CHST11: variants seen among roughly 807,000 people sequenced by gnomAD.
CHST11 encodes the protein carbohydrate sulfotransferase 11, also known as C4S-1.
CHST11 carries 9 observed loss-of-function variants against 30.4 expected under a neutral mutation model. The ratio of observed to expected loss-of-function variants is 0.30; its 90% CI spans 0.18 to 0.52. The LOEUF (loss-of-function observed/expected upper bound fraction) is 0.52. CHST11 is among the 20% of genes least tolerant of loss of function. The pLI is 0.97. For synonymous variants in CHST11, 152 were observed against 187.8 expected (o/e 0.81, Z 1.56); for missense variants, 348 against 460.6 (o/e 0.76, Z 2.24).
chr12:104,574,411 C>G (rs2038661438), intron 1 of CHST11, among the ~76,000 whole-genome samples: 1 of 152,110 alleles, frequency 6.6e-6, no homozygotes, highest in Admixed American at 6.5e-5. Flanking sequence ...CACATGCACA[C>G]ATGTTAATTG....
intron 2 of CHST11, among the ~76,000 whole-genome samples, chr12:104,613,955 T>C (rs867981405): frequency 1.3e-5 from 2 of 152,142 alleles, no homozygotes; most frequent in Non-Finnish European, 2.9e-5. Flanking sequence ...ATGAATAAAT[T>C]CTGGAGATCT....
intron 2 of CHST11, among the ~76,000 whole-genome samples, chr12:104,610,700 C>T (rs906819591): frequency 2.6e-5 from 4 of 152,138 alleles, no homozygotes; most frequent in East Asian, 3.9e-4. Context: ...TGAAACTGAC[C>T]GTAGGAGAGA....
chr12:104,693,481 C>A (rs1305547784), intron 2 of CHST11, among the ~76,000 whole-genome samples: 1 of 152,194 alleles, frequency 6.6e-6, no homozygotes, highest in Non-Finnish European at 1.5e-5. Flanking sequence ...ATGAGGCTGT[C>A]TCAGGCACAC....
chr12:104,736,056 G>A (rs941109145), intron 2 of CHST11, among the ~76,000 whole-genome samples: 11 of 152,286 alleles, frequency 7.2e-5, no homozygotes, highest in African/African-American at 2.6e-4. Flanking sequence ...GCCATTCCCT[G>A]AGATGGGACA....
intron 2 of CHST11, among the ~76,000 whole-genome samples, chr12:104,705,227 A>G (rs2040022231): frequency 6.6e-6 from 1 of 152,026 alleles, no homozygotes; most frequent in African/African-American, 2.4e-5. Context: ...TGCTAAGTGG[A>G]AGCGTCATGG....
At chr12:104,601,534 G>A (rs147436287) in intron 1 of CHST11, among the ~76,000 whole-genome samples, 21 of 152,334 alleles carry the variant, frequency 1.4e-4, no homozygotes, top group African/African-American at 4.8e-4. Context: ...AGAAGTCTGC[G>A]GAATCTTAAA....
At chr12:104,666,329 A>G (rs1284704319) in intron 2 of CHST11, among the ~76,000 whole-genome samples, 1 of 152,246 alleles carries the variant, frequency 6.6e-6, no homozygotes, top group African/African-American at 2.4e-5. Context: ...GATGCAAGCG[A>G]GAATGGAGAA....
At chr12:104,693,417 A>C (rs1293995272) in intron 2 of CHST11, among the ~76,000 whole-genome samples, 5 of 152,228 alleles carry the variant, frequency 3.3e-5, no homozygotes, top group Non-Finnish European at 5.9e-5. Flanking sequence ...AAATTGGGAC[A>C]CTTTGAGAGG....
rs575668004 is a variant in CHST11, at chr12:104,500,031, T to C, written c.118+42502T>C. ...GTGACCCTTAAGCTCCTTCTATTTT[T>C]CCCTGTAGCTGTCTTTTGAGATGCA... On this transcript the variant is annotated intron_variant, in intron 1 of 2. Coordinates refer to ENST00000303694, the MANE Select transcript of CHST11 (RefSeq NM_018413.6). 5.9e-4 allele frequency among the ~76,000 whole-genome samples: 90 copies of C among 152,360 alleles called. 1 individual carries two copies. Among genetic ancestry groups the C allele is most frequent in the African/African-American group, 2.1e-3 (88 of 41,582 alleles).
At chr12:104,538,351 C>T (rs1319285609) in intron 1 of CHST11, among the ~76,000 whole-genome samples, 1 of 152,190 alleles carries the variant, frequency 6.6e-6, no homozygotes, top group African/African-American at 2.4e-5. Flanking sequence ...AGGATCTGTT[C>T]TCATCTCATC....
intron 2 of CHST11, among the ~76,000 whole-genome samples, chr12:104,697,269 G>C (rs897299616): frequency 6.6e-6 from 1 of 152,206 alleles, no homozygotes; most frequent in Non-Finnish European, 1.5e-5. Context: ...CAGATAACTG[G>C]TAAAACATTA....
intron 2 of CHST11, among the ~76,000 whole-genome samples, chr12:104,692,117 G>A (rs904035866): frequency 2.0e-5 from 3 of 152,180 alleles, no homozygotes; most frequent in Admixed American, 6.5e-5. Flanking sequence ...TTCCTGAGTG[G>A]AGGACCTGGT....
chr12:104,645,907 C>T (rs571668204), intron 2 of CHST11, among the ~76,000 whole-genome samples: 2 of 152,342 alleles, frequency 1.3e-5, no homozygotes, highest in Admixed American at 6.5e-5. Context: ...CCCTCACCAG[C>T]TCTGCCTGTC....
intron 1 of CHST11, among the ~76,000 whole-genome samples, chr12:104,507,775 T>C (rs545798233): frequency 1.3e-5 from 2 of 152,296 alleles, no homozygotes; most frequent in South Asian, 4.1e-4. Context: ...CTCATGGATC[T>C]GGCAAAGGTA....
At chr12:104,646,962 C>A (rs1031467927) in intron 2 of CHST11, among the ~76,000 whole-genome samples, 20 of 152,194 alleles carry the variant, frequency 1.3e-4, no homozygotes, top group African/African-American at 4.6e-4. Flanking sequence ...GCTGTCAGAC[C>A]AGCCACTCAT....
chr12:104,653,492 A>C (rs1344280454), intron 2 of CHST11, among the ~76,000 whole-genome samples: 4 of 152,182 alleles, frequency 2.6e-5, no homozygotes, highest in Admixed American at 2.6e-4. Context: ...TTAGTGCTAA[A>C]ATGTGTACTC....
chr12:104,602,230 C>G (rs2038963136), intron 2 of CHST11: 1 of 542,802 alleles, frequency 1.8e-6, no homozygotes, highest in Non-Finnish European at 3.3e-6. Flanking sequence ...CAGACCTGCC[C>G]AGGGTTTGAA....
chr12:104,464,823 A>G (rs988794315), intron 1 of CHST11, among the ~76,000 whole-genome samples: 1 of 152,236 alleles, frequency 6.6e-6, no homozygotes, highest in Admixed American at 6.5e-5. Context: ...CCAGACTTAA[A>G]TCAGCACTCA....
intron 1 of CHST11, among the ~76,000 whole-genome samples, chr12:104,480,019 T>G (rs1457459844): frequency 6.6e-6 from 1 of 152,204 alleles, no homozygotes; most frequent in African/African-American, 2.4e-5. Flanking sequence ...TGTGGTCATG[T>G]GCTAAACTTG....
Sources: gnomAD v4.1 joint callset for allele counts (sites outside exome capture counted in the v4.1 genomes callset) on GRCh38, gnomAD v4.1.1 for gene constraint, MANE v1.5 for transcripts, NCBI Gene and HGNC (gene_info 2026-07-23, HGNC 2026-07-21) for gene names.